RALGPS1: variants seen among roughly 807,000 people sequenced by gnomAD.
RALGPS1 encodes the protein Ral GEF with PH domain and SH3 binding motif 1, also known as ras-specific guanine nucleotide-releasing factor RalGPS1.
A neutral mutation model predicts 78.8 loss-of-function variants in RALGPS1; 19 were observed. The observed-to-expected ratio is 0.24, with a 90% CI of 0.17 to 0.35. The LOEUF (loss-of-function observed/expected upper bound fraction) is 0.35, where lower values mean the gene tolerates loss of function less well. Among genes scored for constraint, RALGPS1 ranks in the 10% least tolerant of loss-of-function variants. The pLI, the probability that RALGPS1 is intolerant of heterozygous loss-of-function variation, is 1.00. For missense variants in RALGPS1, 454 were observed against 688.3 expected (o/e 0.66, Z 3.81); for synonymous variants, 228 against 256.3 (o/e 0.89, Z 1.06).
At chr9:127,165,192 A>G (rs78737030) in intron 8 of RALGPS1, among the ~76,000 whole-genome samples, 2 of 152,232 alleles carry the variant, frequency 1.3e-5, no homozygotes, top group Admixed American at 6.5e-5. Flanking sequence ...CAACTCTGCC[A>G]GTGTGGTGGG....
intron 1 of RALGPS1, among the ~76,000 whole-genome samples, chr9:126,961,143 C>T (rs564776693): frequency 2.5e-4 from 38 of 152,142 alleles, no homozygotes; most frequent in Non-Finnish European, 4.4e-4. Context: ...GGTAAATGCT[C>T]TTCTAGAGGT....
At chr9:126,993,638 G>T (rs867038132) in intron 4 of RALGPS1, among the ~76,000 whole-genome samples, 41 of 152,148 alleles carry the variant, frequency 2.7e-4, no homozygotes, top group African/African-American at 8.4e-4. Flanking sequence ...TGATGCAGAA[G>T]ATGGGTGATT....
In RALGPS1 at chr9:127,211,336, G is replaced by T. The variant is rs529663370; in HGVS notation, c.1248-795G>T. On this transcript the variant is annotated intron_variant, in intron 14 of 18. Transcript: ENST00000259351. The surrounding 1 kb of genome is among the most constrained non-coding windows in gnomAD (Gnocchi z 5.0). ...GTGGACCCAGGAAGGCCCGTGGAGC[G>T]CACTGGGCAGTGGCTCGAAGGAAGG... 6.6e-6 allele frequency among the ~76,000 whole-genome samples: 1 copy of T among 152,214 alleles called. No homozygotes were observed. The highest frequency in any genetic ancestry group is 1.5e-5 in the Non-Finnish European group (1 of 68,032).
Position 127,085,816 on chromosome 9 carries a change from C to T in RALGPS1, c.610+16460C>T, listed in dbSNP as rs58868084. Among the ~76,000 whole-genome samples the T allele has an allele frequency of 2.9e-3, 438 of 152,198 alleles. 6 individuals are homozygous for T. The highest frequency in any genetic ancestry group is 0.027 in the East Asian group (138 of 5,174). ...TTCCTTTGCTCTTGTTCCCTATGTCCCACACACTCCACTCCAGATGTGTGT... is the reference window on the plus strand; with the variant it reads ...TTCCTTTGCTCTTGTTCCCTATGTCTCACACACTCCACTCCAGATGTGTGT... On this transcript the variant is annotated intron_variant, in intron 8 of 18. Transcript: ENST00000259351.
At chr9:126,931,782 T>C (rs911293706) in intron 1 of RALGPS1, among the ~76,000 whole-genome samples, 3 of 152,214 alleles carry the variant, frequency 2.0e-5, no homozygotes, top group Non-Finnish European at 2.9e-5. Context: ...GTATAAATTA[T>C]ATCTGAATTT....
At chr9:126,953,723 G>A (rs888877756) in intron 1 of RALGPS1, among the ~76,000 whole-genome samples, 4 of 152,168 alleles carry the variant, frequency 2.6e-5, no homozygotes, top group Admixed American at 6.5e-5. Flanking sequence ...AGGCTTGTGC[G>A]ACTCCCCTGC....
chr9:127,093,703 G>A, intron 8 of RALGPS1: 1 of 1,611,106 alleles, frequency 6.2e-7, no homozygotes. Context: ...CACCTTGTGG[G>A]CAGCACAGAC....
chr9:127,129,447 G>C (rs1239605752), intron 8 of RALGPS1, among the ~76,000 whole-genome samples: 1 of 152,166 alleles, frequency 6.6e-6, no homozygotes, highest in African/African-American at 2.4e-5. Context: ...TCAGTGGGGG[G>C]GGATTCCAAC....
At chr9:127,130,859 A>G (rs1283523677) in intron 8 of RALGPS1, among the ~76,000 whole-genome samples, 1 of 152,236 alleles carries the variant, frequency 6.6e-6, no homozygotes, top group African/African-American at 2.4e-5. Context: ...CCTCTTCGTT[A>G]TCTGCCTATG....
In RALGPS1 at chr9:127,095,553, G is replaced by A. The variant is rs141315844; in HGVS notation, c.610+26197G>A. Among the ~76,000 whole-genome samples the A allele has an allele frequency of 1.5e-3, 231 of 152,338 alleles. 1 individual carries two copies. Among genetic ancestry groups the A allele is most frequent in the African/African-American group, 5.0e-3 (208 of 41,582 alleles). ...CTCTGCAGATGCGGTGCTGGGCAGCGGAAGCTCAGGGCAGGGTGGGGCCGC... is the reference window on the plus strand; with the variant it reads ...CTCTGCAGATGCGGTGCTGGGCAGCAGAAGCTCAGGGCAGGGTGGGGCCGC... On this transcript the variant is annotated intron_variant, in intron 8 of 18. Transcript: ENST00000259351.
At chr9:127,174,601 C>A in intron 10 of RALGPS1, 114 bp from the exon 11 acceptor site, 1 of 879,698 alleles carries the variant, frequency 1.1e-6, no homozygotes. Context: ...TGATCTGGAG[C>A]AGATCTCACA....
At chr9:127,051,092 A>C (rs959780813) in intron 6 of RALGPS1, among the ~76,000 whole-genome samples, 3 of 152,228 alleles carry the variant, frequency 2.0e-5, no homozygotes, top group South Asian at 2.1e-4. Context: ...ACTGGCCCTC[A>C]TGGGCGGGTT....
chr9:127,042,421 T>C (rs2047399368), intron 5 of RALGPS1, among the ~76,000 whole-genome samples: 1 of 152,130 alleles, frequency 6.6e-6, no homozygotes, highest in Admixed American at 6.5e-5. Flanking sequence ...AATCATATTA[T>C]TATATCATTT....
chr9:126,965,568 A>T (rs1001443140), intron 2 of RALGPS1, among the ~76,000 whole-genome samples: 24 of 152,228 alleles, frequency 1.6e-4, no homozygotes, highest in African/African-American at 5.8e-4. Context: ...TTCATAGCTG[A>T]GATACCTTGG....
chr9:126,972,783 G>T (rs972338696), intron 3 of RALGPS1, among the ~76,000 whole-genome samples: 1 of 152,166 alleles, frequency 6.6e-6, no homozygotes, highest in Non-Finnish European at 1.5e-5. Flanking sequence ...AGTACATATC[G>T]GCTGGGGCAG....
chr9:127,150,452 T>A (rs900538827), intron 8 of RALGPS1, among the ~76,000 whole-genome samples: 6 of 152,208 alleles, frequency 3.9e-5, no homozygotes, highest in Non-Finnish European at 7.3e-5. Context: ...CTTTCCAAGC[T>A]CCAAATGGGC....
At position 127,082,944 on chromosome 9, in the gene RALGPS1, C is replaced by T. The variant is rs142360846; in HGVS notation, c.610+13588C>T. ...GAAGGGCAGCGTACCCAGGAAGAGG[C>T]CCATCTGGGCACAGCCAGGTGTCAT... On this transcript the variant is annotated intron_variant, in intron 8 of 18. Transcript: ENST00000259351. Among the ~76,000 whole-genome samples the T allele has an allele frequency of 2.7e-3, 407 of 152,260 alleles. 2 individuals carry two copies. Among genetic ancestry groups the T allele is most frequent in the Non-Finnish European group, 4.0e-3 (275 of 68,018 alleles).
intron 3 of RALGPS1, among the ~76,000 whole-genome samples, chr9:126,976,896 T>A (rs2040714097): frequency 6.6e-6 from 1 of 152,248 alleles, no homozygotes; most frequent in Non-Finnish European, 1.5e-5. Flanking sequence ...ATGCTTCCTG[T>A]TACTGTCACC....
At chr9:127,027,308 C>G (rs2046038834) in intron 4 of RALGPS1, among the ~76,000 whole-genome samples, 1 of 152,154 alleles carries the variant, frequency 6.6e-6, no homozygotes, top group South Asian at 2.1e-4. Flanking sequence ...GTCATTTGAA[C>G]ACGCAACCTG....
Sources: gnomAD v4.1 joint callset for allele counts (sites outside exome capture counted in the v4.1 genomes callset) on GRCh38, gnomAD v4.1.1 for gene constraint, Gnocchi (gnomAD v3.1) non-coding constraint, MANE v1.5 for transcripts, NCBI Gene and HGNC (gene_info 2026-07-23, HGNC 2026-07-21) for gene names.